Variants in CMSS1 observed in about 807,000 individuals in gnomAD.
CMSS1 encodes protein CMSS1.
A neutral mutation model predicts 43.5 loss-of-function variants in CMSS1; 33 were observed. The observed-to-expected ratio is 0.76, with a 90% confidence interval of 0.57 to 1.01. The LOEUF (loss-of-function observed/expected upper bound fraction) is 1.01, where lower values mean the gene tolerates loss of function less well. CMSS1 is among the 50% of genes least tolerant of loss of function. CMSS1 has a pLI of 0.00. For synonymous variants in CMSS1, 115 were observed against 117.2 expected (o/e 0.98, Z 0.12); for missense variants, 313 against 326.4 (o/e 0.96, Z 0.32).
intron 1 of CMSS1, among the ~76,000 whole-genome samples, chr3:99,829,786 G>A (rs1942614271): frequency 6.6e-6 from 1 of 152,174 alleles, no homozygotes; most frequent in African/African-American, 2.4e-5. Flanking sequence ...CTAAGTGCCA[G>A]TGGTCAGGTA....
Position 99,850,380 on chromosome 3 carries a change from G to A in CMSS1, c.64+32337G>A, listed in dbSNP as rs775751047. The A allele has an allele frequency of 2.2e-5, 36 of 1,613,010 alleles. No individual in the cohort carries two copies. The South Asian group carries it at 2.9e-4, about 13-fold the overall frequency. On this transcript the variant is annotated intron_variant, in intron 1 of 9. Coordinates refer to ENST00000421999, the MANE Select transcript of CMSS1 (RefSeq NM_032359.4). The stretch of plus-strand genomic sequence containing the variant: ...ATTCTTGTTTGCTTTTGTTGAAAGC[G>A]TCTTCTAACTTTTCCAGAGCCATAA...
intron 1 of CMSS1, among the ~76,000 whole-genome samples, chr3:99,941,611 G>T (rs1447495352): frequency 6.6e-6 from 1 of 152,120 alleles, no homozygotes; most frequent in South Asian, 2.1e-4. Flanking sequence ...TTATAATAAG[G>T]GAGATGAAAC....
intron 1 of CMSS1, among the ~76,000 whole-genome samples, chr3:99,824,922 A>G (rs1474480458): frequency 6.6e-6 from 1 of 152,214 alleles, no homozygotes; most frequent in Non-Finnish European, 1.5e-5. Context: ...TTTATGGTAT[A>G]TTCTTCAAAT....
Position 99,895,074 on chromosome 3 carries a change from C to T in CMSS1, c.64+77031C>T, listed in dbSNP as rs555976424. 1.4e-4 allele frequency among the ~76,000 whole-genome samples: 21 copies of T among 151,738 alleles called. No individual in the cohort carries two copies. In the East Asian group the frequency reaches 3.6e-3, roughly 26 times the overall value. ...GTAGCTCTGGAAATACTCTTGCCCT[C>T]CAGGTGCCATCCTTCGAACAGGGTG... On this transcript the variant is annotated intron_variant, in intron 1 of 9. Coordinates refer to ENST00000421999, the MANE Select transcript of CMSS1 (RefSeq NM_032359.4).
intron 1 of CMSS1, among the ~76,000 whole-genome samples, chr3:99,872,009 A>G (rs888526399): frequency 6.6e-6 from 1 of 151,740 alleles, no homozygotes; most frequent in Admixed American, 6.6e-5. Context: ...AATGGATTTT[A>G]TATCTAAATT....
At chr3:99,922,708 T>G (rs1005458035) in intron 1 of CMSS1, among the ~76,000 whole-genome samples, 3 of 152,210 alleles carry the variant, frequency 2.0e-5, no homozygotes, top group African/African-American at 7.2e-5. Context: ...CAGTTTCATA[T>G]GGATGCTTAT....
intron 1 of CMSS1, among the ~76,000 whole-genome samples, chr3:99,934,998 G>C (rs1707615528): frequency 6.6e-6 from 1 of 152,086 alleles, no homozygotes; most frequent in African/African-American, 2.4e-5. Flanking sequence ...GTCTACTGAG[G>C]AGCATGTGTC....
chr3:100,121,294 G>A lies in CMSS1; in HGVS notation c.65-25679G>A, dbSNP rs193176262. Among the ~76,000 whole-genome samples the A allele has an allele frequency of 3.0e-3, 388 of 127,242 alleles. 1 individual carries two copies. The highest frequency in any genetic ancestry group is 9.1e-3 in the African/African-American group (298 of 32,760). The allele number at this position is 127,242 out of a possible 152,430, so 83.5% of individuals were successfully genotyped here. A position where few individuals can be genotyped will look rare whatever the true frequency, so the allele number is the denominator to read the frequency against. On this transcript the variant is annotated intron_variant, in intron 1 of 9. Transcript: ENST00000421999. ...GTGTGATGTTCCCCTCCCTGTGTCC[G>A]TGTGTTTTCATTGTTCAGCTCCCAC...
At chr3:99,822,315 G>T (rs1232958819) in intron 1 of CMSS1, among the ~76,000 whole-genome samples, 1 of 152,162 alleles carries the variant, frequency 6.6e-6, no homozygotes, top group Non-Finnish European at 1.5e-5. Context: ...TTTAAGGAGG[G>T]TCTTTCATAT....
intron 1 of CMSS1, chr3:100,109,952 C>CTGTACCCAT (rs1374589086): frequency 7.9e-6 from 1 of 125,870 alleles, no homozygotes; most frequent in East Asian, 2.7e-4. Context: ...TTAGTAACTT[C>CTGTACCCAT]TGTACCCATA....
intron 8 of CMSS1, 105 bp downstream of exon 8, chr3:100,172,508 G>T (rs909136077): frequency 6.2e-6 from 5 of 803,412 alleles, no homozygotes; most frequent in Non-Finnish European, 9.9e-6. Context: ...CCAGACCTCT[G>T]TGTTAATTCA....
chr3:99,922,205 G>A (rs923339124), intron 1 of CMSS1, among the ~76,000 whole-genome samples: 1 of 152,226 alleles, frequency 6.6e-6, no homozygotes, highest in Non-Finnish European at 1.5e-5. Context: ...AAGTGTCTGT[G>A]TTCAGCAAGT....
intron 2 of CMSS1, among the ~76,000 whole-genome samples, chr3:100,150,555 T>A (rs1471632335): frequency 6.6e-6 from 1 of 152,196 alleles, no homozygotes; most frequent in Non-Finnish European, 1.5e-5. Flanking sequence ...GGGCCTCACA[T>A]TTCTGTCGCT....
chr3:99,841,264 T>C (rs548682637), intron 1 of CMSS1, among the ~76,000 whole-genome samples: 4 of 152,400 alleles, frequency 2.6e-5, no homozygotes, highest in Admixed American at 1.3e-4. Flanking sequence ...TTTGTGTTAA[T>C]ACATTGTACC....
intron 1 of CMSS1, among the ~76,000 whole-genome samples, chr3:99,842,504 C>CAA (rs10935983): frequency 7.6e-6 from 1 of 131,530 alleles, no homozygotes; most frequent in Admixed American, 7.7e-5. Flanking sequence ...TAAAACAGGC[C>CAA]AAAAAAAAAA....
At chr3:100,035,645 A>G (rs1472834940) in intron 1 of CMSS1, among the ~76,000 whole-genome samples, 2 of 152,202 alleles carry the variant, frequency 1.3e-5, no homozygotes, top group Non-Finnish European at 2.9e-5. Context: ...CAAACTGTTA[A>G]AGAAATTGAA....
At chr3:99,876,361 G>A (rs894116303) in intron 1 of CMSS1, among the ~76,000 whole-genome samples, 1 of 152,094 alleles carries the variant, frequency 6.6e-6, no homozygotes, top group South Asian at 2.1e-4. Flanking sequence ...CGTGGTTCCC[G>A]GCTCCCAGCG....
At chr3:100,081,540 T>C (rs2065932079) in intron 1 of CMSS1, among the ~76,000 whole-genome samples, 1 of 152,208 alleles carries the variant, frequency 6.6e-6, no homozygotes, top group South Asian at 2.1e-4. Context: ...GATTAACGAC[T>C]CATGAAGATT....
intron 1 of CMSS1, among the ~76,000 whole-genome samples, chr3:99,933,266 A>G (rs1707546500): frequency 6.6e-6 from 1 of 152,182 alleles, no homozygotes; most frequent in African/African-American, 2.4e-5. Context: ...TACTGAAGAG[A>G]CTATTTACAA....
Sources: gnomAD v4.1 joint callset for allele counts (sites outside exome capture counted in the v4.1 genomes callset) on GRCh38, gnomAD v4.1.1 for gene constraint, MANE v1.5 for transcripts, NCBI Gene and HGNC (gene_info 2026-07-23, HGNC 2026-07-21) for gene names.